The following FOXO3B variants were observed in gnomAD, a reference collection of about 807,000 sequenced individuals.
FOXO3B encodes forkhead box O3B.
A neutral mutation model predicts 21.9 loss-of-function variants in FOXO3B; 15 were observed. The ratio of observed to expected loss-of-function variants is 0.68; its 90% CI spans 0.46 to 1.05. The LOEUF (loss-of-function observed/expected upper bound fraction) is 1.05. Among genes scored for constraint, FOXO3B ranks in the 50% least tolerant of loss-of-function variants. FOXO3B has a pLI of 0.00. For missense variants in FOXO3B, 293 were observed against 435.5 expected (o/e 0.67, Z 2.91); for synonymous variants, 135 against 213.6 (o/e 0.63, Z 3.21).
chr17:18,671,719 G>A lies in FOXO3B; in HGVS notation c.*590C>T. 4.3e-6 allele frequency: 7 copies of A among 1,613,738 alleles called. No homozygotes were observed. The highest frequency in any genetic ancestry group is 1.1e-5 in the South Asian group (1 of 91,070). On this transcript the variant is annotated 3_prime_UTR_variant, in exon 4 of 4. Coordinates refer to ENST00000395675, the MANE Select transcript of FOXO3B (RefSeq NM_001368135.1). Reference sequence around the variant, plus strand: ...CTCCGCTGCATGAGTCCCCCAGTGGGCGATGGCTGGGATGGCGGGAGCGTG... The same window carrying A: ...CTCCGCTGCATGAGTCCCCCAGTGGACGATGGCTGGGATGGCGGGAGCGTG...
intron 3 of FOXO3B, among the ~76,000 whole-genome samples, chr17:18,673,914 A>G (rs753695089): frequency 6.8e-6 from 1 of 146,092 alleles, no homozygotes; most frequent in Non-Finnish European, 1.5e-5. Context: ...TGATGGATAA[A>G]GGAGAGAGGG....
chr17:18,676,862 G>C (rs1324273685), intron 3 of FOXO3B, among the ~76,000 whole-genome samples: 1 of 152,004 alleles, frequency 6.6e-6, no homozygotes, highest in Non-Finnish European at 1.5e-5. Context: ...CACCATGCCC[G>C]GCTAATTTTT....
intron 3 of FOXO3B, among the ~76,000 whole-genome samples, chr17:18,673,959 G>A (rs1048013061): frequency 5.3e-5 from 8 of 149,968 alleles, no homozygotes; most frequent in African/African-American, 7.6e-5. Flanking sequence ...TTTCCACCAC[G>A]TACAATTTGA....
chr17:18,680,029 C>T (rs1290622224), intron 3 of FOXO3B, among the ~76,000 whole-genome samples: 2 of 151,992 alleles, frequency 1.3e-5, no homozygotes, highest in Middle Eastern at 3.2e-3. Flanking sequence ...TTAGTAGAGA[C>T]GAGGTTTCAC....
At position 18,671,402 on chromosome 17, in the gene FOXO3B, G is replaced by A. The variant is rs1489184377; in HGVS notation, c.*907C>T. The stretch of plus-strand genomic sequence containing the variant: ...TCATCGGATCATTGCGAAGCATCAC[G>A]TTCCGGCGGGAATTCTGGGCAGACA... On this transcript the variant is annotated 3_prime_UTR_variant, in exon 4 of 4. Coordinates refer to ENST00000395675, the MANE Select transcript of FOXO3B (RefSeq NM_001368135.1). 50 of 1,609,780 alleles carry A rather than the reference G, an allele frequency of 3.1e-5. No individual in the cohort carries two copies. Among genetic ancestry groups the A allele is most frequent in the Middle Eastern group, 1.7e-4 (1 of 6,052 alleles).
chr17:18,681,394 A>G (rs1597498366), intron 2 of FOXO3B: 2 of 562,690 alleles, frequency 3.6e-6, no homozygotes, highest in Middle Eastern at 5.0e-4. Context: ...TTTCACTCAC[A>G]TTTTGGGGGT....
At chr17:18,674,853 G>C (rs922527925) in intron 3 of FOXO3B, among the ~76,000 whole-genome samples, 3 of 152,132 alleles carry the variant, frequency 2.0e-5, no homozygotes, top group African/African-American at 7.2e-5. Flanking sequence ...AATGGCTGCA[G>C]AGACACCATG....
At chr17:18,682,022 C>T (rs572611471) in intron 1 of FOXO3B, 176 bp from the exon 2 acceptor site, 2 of 602,330 alleles carry the variant, frequency 3.3e-6, no homozygotes, top group African/African-American at 1.8e-5. Flanking sequence ...CCACCCCGCC[C>T]GTGGCACAAC....
chr17:18,677,409 C>T (rs1365071063), intron 3 of FOXO3B: 1 of 1,614,028 alleles, frequency 6.2e-7, no homozygotes, highest in East Asian at 2.2e-5. Context: ...GACGGCTGAG[C>T]TGGGCATCCG....
chr17:18,674,298 C>A (rs1362038829), intron 3 of FOXO3B, among the ~76,000 whole-genome samples: 1 of 151,910 alleles, frequency 6.6e-6, no homozygotes, highest in Non-Finnish European at 1.5e-5. Flanking sequence ...ACTTTTTATA[C>A]AAACTTTTAA....
At position 18,671,570 on chromosome 17, in the gene FOXO3B, T is replaced by C. The variant is rs1281896302; in HGVS notation, c.*739A>G. ...AAGAGAAGGTAGCTGGCTTGTTCTC[T>C]TGGATGGTCTGCATGGGAGACTGGC... On this transcript the variant is annotated 3_prime_UTR_variant, in exon 4 of 4. Transcript: ENST00000395675. 1 of 1,612,592 alleles carries C rather than the reference T, an allele frequency of 6.2e-7. No individual in the cohort carries two copies. Among genetic ancestry groups the C allele is most frequent in the African/African-American group, 1.3e-5 (1 of 74,766 alleles).
At chr17:18,680,656 A>T in intron 3 of FOXO3B, 85 bp downstream of exon 3, 13 of 1,209,014 alleles carry the variant, frequency 1.1e-5, no homozygotes, top group Non-Finnish European at 1.5e-5. Context: ...TTTAGTGGAT[A>T]AAGAAACTCC....
In FOXO3B at chr17:18,669,489, T is replaced by C. The variant is rs1179647789; in HGVS notation, c.*2820A>G. On this transcript the variant is annotated 3_prime_UTR_variant, in exon 4 of 4. Coordinates refer to ENST00000395675, the MANE Select transcript of FOXO3B (RefSeq NM_001368135.1). The stretch of plus-strand genomic sequence containing the variant: ...TGCTGTGCTAATCAGAGCATCGTTA[T>C]ACCAATTTCATATGTACCAAAGGTG... 1 of 152,630 alleles carries C rather than the reference T, an allele frequency of 6.6e-6. No homozygotes were observed. Among genetic ancestry groups the C allele is most frequent in the Non-Finnish European group, 1.5e-5 (1 of 68,052 alleles). The allele number at this position is 152,630 out of a possible 1,614,324, so 9.5% of individuals were successfully genotyped here.
rs1160438398 is a variant in FOXO3B, at chr17:18,671,844, C to A, written c.*465G>T. On this transcript the variant is annotated 3_prime_UTR_variant, in exon 4 of 4. Transcript: ENST00000395675. ...TCAGCCGTAGCAGTTCCACCGTGCA[C>A]GGCTTGCTTACTGAAGGTGACAGGC... The A allele has an allele frequency of 1.9e-6, 3 of 1,611,710 alleles. No individual in the cohort carries two copies. The Admixed American group carries it at 5.0e-5, about 27-fold the overall frequency.
In FOXO3B at chr17:18,671,844, C is replaced by T. The variant is rs1160438398; in HGVS notation, c.*465G>A. The T allele has an allele frequency of 4.3e-6, 7 of 1,611,590 alleles. No homozygotes were observed. The highest frequency in any genetic ancestry group is 2.2e-5 in the South Asian group (2 of 90,942). On this transcript the variant is annotated 3_prime_UTR_variant, in exon 4 of 4. Transcript: ENST00000395675. ...TCAGCCGTAGCAGTTCCACCGTGCACGGCTTGCTTACTGAAGGTGACAGGC... is the reference window on the plus strand; with the variant it reads ...TCAGCCGTAGCAGTTCCACCGTGCATGGCTTGCTTACTGAAGGTGACAGGC...
chr17:18,672,319 G>C lies in FOXO3B; in HGVS notation c.863C>G (p.Ser288Cys). ...CCGGATGGAGTTCTTCTAGCCGGCA[G>C]AGCTGTTGCTGTTGCCCTTATCCTT... Reference protein sequence around the residue: ...YFKDKGNSNSSAG With the variant: ...YFKDKGNSNSCAG The change falls in exon 4 of 4, where the codon TCT becomes TGT. Residue 288 changes from serine to cysteine, a missense_variant. Ser to Cys is a moderately radical substitution (Grantham distance 112, BLOSUM62 -1). Transcript: ENST00000395675. This position sits in a 1 kb window ranked among gnomAD's most constrained non-coding sequence, Gnocchi z 4.2. The C allele has an allele frequency of 6.2e-7, 1 of 1,612,520 alleles. No individual in the cohort carries two copies. Among genetic ancestry groups the C allele is most frequent in the Non-Finnish European group, 8.5e-7 (1 of 1,178,858 alleles).
chr17:18,680,030 G>A lies in FOXO3B; in HGVS notation c.126+711C>T, dbSNP rs146711667. Among the ~76,000 whole-genome samples, 37 of 152,094 alleles carry A rather than the reference G, an allele frequency of 2.4e-4. No individual in the cohort carries two copies. In the East Asian group the frequency reaches 6.2e-3, roughly 25 times the overall value. ...AATTTTTTGTGTTTTTAGTAGAGACGAGGTTTCACCGTGTTAGCCAGGATG... is the reference window on the plus strand; with the variant it reads ...AATTTTTTGTGTTTTTAGTAGAGACAAGGTTTCACCGTGTTAGCCAGGATG... On this transcript the variant is annotated intron_variant, in intron 3 of 3. Transcript: ENST00000395675.
rs534369617 is a variant in FOXO3B, at chr17:18,674,396, A to C, written c.127-1341T>G. On this transcript the variant is annotated intron_variant, in intron 3 of 3. Transcript: ENST00000395675. Reference sequence around the variant, plus strand: ...ATCCCAGCACTTTGGGAGGCCAAGGAGGGCGGATCACGAGGTCAGGAGATC... The same window carrying C: ...ATCCCAGCACTTTGGGAGGCCAAGGCGGGCGGATCACGAGGTCAGGAGATC... Among the ~76,000 whole-genome samples the C allele has an allele frequency of 6.0e-5, 9 of 149,900 alleles. No homozygotes were observed. In the South Asian group the frequency reaches 6.3e-4, roughly 11 times the overall value.
Position 18,672,633 on chromosome 17 carries a change from G to C in FOXO3B, c.549C>G (p.Val183=). 2 of 1,462,978 alleles carry C rather than the reference G, an allele frequency of 1.4e-6. No homozygotes were observed. The highest frequency in any genetic ancestry group is 1.4e-5 in the South Asian group (1 of 72,298). 90.6% of individuals were successfully genotyped at this position (1,462,978 alleles called of 1,614,324 possible). Reference sequence around the variant, plus strand: ...CTTGCCCTCCGGGTGCCAGCACCCGGACCGAGTCCTCAAGGAGCAGCCCGG... The same window carrying C: ...CTTGCCCTCCGGGTGCCAGCACCCGCACCGAGTCCTCAAGGAGCAGCCCGG... ...LVSGLLLEDS[V]RVLAPGGQDP... Residue 183 remains valine, a synonymous_variant, in exon 4 of 4, where the codon GTC becomes GTG. Coordinates refer to ENST00000395675, the MANE Select transcript of FOXO3B (RefSeq NM_001368135.1). This position sits in a 1 kb window ranked among gnomAD's most constrained non-coding sequence, Gnocchi z 4.2.
Sources: gnomAD v4.1 joint callset for allele counts (sites outside exome capture counted in the v4.1 genomes callset) on GRCh38, gnomAD v4.1.1 for gene constraint, Gnocchi (gnomAD v3.1) non-coding constraint, MANE v1.5 for transcripts, NCBI Gene and HGNC (gene_info 2026-07-23, HGNC 2026-07-21) for gene names.